Variants in ENTREP2 observed in about 807,000 individuals in gnomAD.
ENTREP2 encodes protein ENTREP2.
At chr15:29,238,360 C>T in the ENTREP2 span, among the ~76,000 whole-genome samples, 8 of 152,164 alleles carry the variant, frequency 5.3e-5, no homozygotes, top group Admixed American at 3.3e-4. Flanking sequence ...GAGCTAGGCG[C>T]GGTAGCTCAC....
chr15:29,286,536 C>G, the ENTREP2 span, among the ~76,000 whole-genome samples: 1 of 152,310 alleles, frequency 6.6e-6, no homozygotes, highest in Non-Finnish European at 1.5e-5. Context: ...ATGTGAACTC[C>G]TTTTGTGGCC....
At chr15:29,283,402 G>A in the ENTREP2 span, among the ~76,000 whole-genome samples, 1 of 152,134 alleles carries the variant, frequency 6.6e-6, no homozygotes, top group Non-Finnish European at 1.5e-5. Context: ...AGGCTAGAGT[G>A]CAATGGTGTG....
chr15:29,234,663 A>T, the ENTREP2 span: 1 of 1,566,650 alleles, frequency 6.4e-7, no homozygotes, highest in Non-Finnish European at 8.8e-7. Flanking sequence ...TCACCACAAG[A>T]GAGAAAAGTG....
the ENTREP2 span, chr15:29,123,344 C>G: frequency 3.9e-6 from 6 of 1,528,350 alleles, no homozygotes; most frequent in African/African-American, 6.9e-5. Flanking sequence ...CTCCTTCATA[C>G]CTGGTCCAGA....
the ENTREP2 span, among the ~76,000 whole-genome samples, chr15:29,252,726 T>C: frequency 3.3e-5 from 5 of 152,318 alleles, no homozygotes; most frequent in South Asian, 1.0e-3. Flanking sequence ...TTAAAACCTA[T>C]GATGATAAAA....
At chr15:29,484,491 T>C in the ENTREP2 span, among the ~76,000 whole-genome samples, 5 of 152,272 alleles carry the variant, frequency 3.3e-5, no homozygotes, top group African/African-American at 1.2e-4. Flanking sequence ...TATACATGCA[T>C]TGTAACAAAC....
the ENTREP2 span, among the ~76,000 whole-genome samples, chr15:29,394,811 T>C: frequency 1.9e-4 from 29 of 152,216 alleles, no homozygotes; most frequent in Admixed American, 1.0e-3. Flanking sequence ...GTTTTATCCT[T>C]TTGTGACAGG....
At chr15:29,482,542 T>C in the ENTREP2 span, among the ~76,000 whole-genome samples, 1 of 152,194 alleles carries the variant, frequency 6.6e-6, no homozygotes, top group African/African-American at 2.4e-5. Context: ...CTTTTTACTG[T>C]CTCCACAGTC....
the ENTREP2 span, among the ~76,000 whole-genome samples, chr15:29,358,045 C>T: frequency 6.6e-6 from 1 of 152,108 alleles, no homozygotes; most frequent in African/African-American, 2.4e-5. Flanking sequence ...TCATCAATCA[C>T]ACTGCCCATG....
chr15:29,269,200 C>T, the ENTREP2 span: 15 of 1,614,046 alleles, frequency 9.3e-6, no homozygotes, highest in Non-Finnish European at 1.3e-5. Flanking sequence ...GCCTTGGTCA[C>T]CCCTCATCTC....
At chr15:29,119,672 CAAAAAAAAAA>C in the ENTREP2 span, among the ~76,000 whole-genome samples, 3 of 101,584 alleles carry the variant, frequency 3.0e-5, 1 homozygote, top group East Asian at 6.8e-4. Flanking sequence ...ACAATTCTAG[CAAAAAAAAAA>C]AAAAAAAAAA....
chr15:29,269,541 G>C, the ENTREP2 span: 1 of 1,510,670 alleles, frequency 6.6e-7, no homozygotes, highest in South Asian at 1.3e-5. Flanking sequence ...CCTGCGAGCC[G>C]CCCGGCCCGC....
the ENTREP2 span, among the ~76,000 whole-genome samples, chr15:29,642,232 T>C: frequency 6.6e-6 from 1 of 152,206 alleles, no homozygotes; most frequent in Non-Finnish European, 1.5e-5. Context: ...CCCAATTTCA[T>C]AACTTAATGC....
the ENTREP2 span, among the ~76,000 whole-genome samples, chr15:29,337,531 C>T: frequency 5.3e-5 from 8 of 152,124 alleles, no homozygotes; most frequent in African/African-American, 1.9e-4. Flanking sequence ...TTGTAATTTA[C>T]AGAAAGGGAA....
chr15:29,179,876 C>T, the ENTREP2 span, among the ~76,000 whole-genome samples: 26 of 152,230 alleles, frequency 1.7e-4, no homozygotes, highest in Non-Finnish European at 1.9e-4. Context: ...TGAGCCACCG[C>T]GCCCAGCCAG....
chr15:29,313,959 G>A, the ENTREP2 span, among the ~76,000 whole-genome samples: 1 of 152,184 alleles, frequency 6.6e-6, no homozygotes, highest in African/African-American at 2.4e-5. Context: ...CCTCACAGGT[G>A]ACCTTGAGGT....
the ENTREP2 span, among the ~76,000 whole-genome samples, chr15:29,474,223 A>G: frequency 6.6e-6 from 1 of 152,288 alleles, no homozygotes; most frequent in South Asian, 2.1e-4. Flanking sequence ...GTGGGCGAGA[A>G]GAGAGGCTAC....
chr15:29,177,867 G>A, the ENTREP2 span, among the ~76,000 whole-genome samples: 8 of 149,976 alleles, frequency 5.3e-5, no homozygotes, highest in Non-Finnish European at 7.4e-5. Context: ...ACTGTGAAGG[G>A]AGCTTAGTGG....
At chr15:29,314,362 C>A in the ENTREP2 span, among the ~76,000 whole-genome samples, 1 of 152,166 alleles carries the variant, frequency 6.6e-6, no homozygotes, top group South Asian at 2.1e-4. Context: ...AACTTCATCA[C>A]TGTCTTATTT....
Sources: allele counts gnomAD v4.1 joint callset (sites outside exome capture counted in the v4.1 genomes callset), GRCh38; gene constraint gnomAD v4.1.1; transcripts MANE v1.5; gene names NCBI Gene and HGNC (gene_info 2026-07-23, HGNC 2026-07-21).